UBXN7: variants seen among roughly 807,000 people sequenced by gnomAD.
UBXN7 encodes the protein UBX domain protein 7.
Under a neutral mutation model 58.0 loss-of-function variants are expected in UBXN7, and 9 were observed. The observed-to-expected ratio is 0.16, with a 90% CI of 0.09 to 0.27. UBXN7 has a LOEUF of 0.27. UBXN7 is among the 10% of genes least tolerant of loss of function. UBXN7 has a pLI of 1.00. For synonymous variants in UBXN7, 208 were observed against 205.0 expected (o/e 1.01, Z -0.12); for missense variants, 328 against 599.6 (o/e 0.55, Z 4.73).
At chr3:196,385,866 A>G (rs13073879) in intron 5 of UBXN7, among the ~76,000 whole-genome samples, 79,848 of 151,750 alleles carry the variant, frequency 0.53, 21,414 homozygotes, top group East Asian at 0.9. Flanking sequence ...CCGCCACCCC[A>G]TCTGGGAGGT....
chr3:196,373,458 T>C (rs1728900655), intron 5 of UBXN7, among the ~76,000 whole-genome samples: 1 of 152,200 alleles, frequency 6.6e-6, no homozygotes, highest in African/African-American at 2.4e-5. Context: ...AATCTTTGCC[T>C]AGGAAAGAAC....
Position 196,391,831 on chromosome 3 carries a change from A to G in UBXN7, c.450T>C (p.His150=), listed in dbSNP as rs73213957. The G allele has an allele frequency of 8.0e-3, 12,885 of 1,611,842 alleles. 81 individuals are homozygous for G. The highest frequency in any genetic ancestry group is 0.017 in the Middle Eastern group (104 of 6,052). ...AACTTACTGTTTCAAAGCTGCCTTT[A>G]TGCATCAAATCAATGGGTGGCCGGA... The part of the protein sequence containing the change: ...DLFRPPIDLM[H]KGSFETAKEC... Residue 150 remains histidine (H), a synonymous_variant, in exon 5 of 11, where the codon CAT becomes CAC. Coordinates refer to ENST00000296328, the MANE Select transcript of UBXN7 (RefSeq NM_015562.2).
intron 1 of UBXN7, among the ~76,000 whole-genome samples, chr3:196,409,940 C>CTT (rs71621242): frequency 6.5e-5 from 9 of 138,164 alleles, no homozygotes; most frequent in African/African-American, 1.6e-4. Flanking sequence ...TTAAAAGAAA[C>CTT]TTTTTTTTTT....
rs576727230 is a variant in UBXN7, at chr3:196,356,052, A to C, written c.*633T>G. ...TGCCAATAACACATGTCATGGAAAT[A>C]GTCCTTATAGCTGGGAACATGAAAA... On this transcript the variant is annotated 3_prime_UTR_variant, in exon 11 of 11. Transcript: ENST00000296328. 6.5e-6 allele frequency: 1 copy of C among 152,786 alleles called. No homozygotes were observed. Among genetic ancestry groups the C allele is most frequent in the African/African-American group, 2.4e-5 (1 of 41,576 alleles). The allele number at this position is 152,786 out of a possible 1,614,324, so 9.5% of individuals were successfully genotyped here.
At chr3:196,414,053 GATC>G (rs1037201230) in intron 1 of UBXN7, among the ~76,000 whole-genome samples, 10 of 152,026 alleles carry the variant, frequency 6.6e-5, no homozygotes, top group African/African-American at 2.4e-4. Flanking sequence ...GCAGTGGTAC[GATC>G]TCCGCTCACT....
At chr3:196,380,100 A>T (rs1336583609) in intron 5 of UBXN7, among the ~76,000 whole-genome samples, 4 of 152,032 alleles carry the variant, frequency 2.6e-5, no homozygotes, top group African/African-American at 9.7e-5. Flanking sequence ...AATACAAAAA[A>T]TCAGCTGAGC....
At position 196,417,088 on chromosome 3, in the gene UBXN7, C is replaced by T. The variant is rs368533670; in HGVS notation, c.74-9695G>A. On this transcript the variant is annotated intron_variant, in intron 1 of 10. Coordinates refer to ENST00000296328, the MANE Select transcript of UBXN7 (RefSeq NM_015562.2). The stretch of plus-strand genomic sequence containing the variant: ...CAGAACTTTGGGGGGCCGAGGCGGG[C>T]GGATCACAAGGTCAGGAGATCGAGA... Among the ~76,000 whole-genome samples the T allele has an allele frequency of 7.8e-4, 119 of 152,226 alleles. No homozygotes were observed. In the East Asian group the frequency reaches 8.7e-3, roughly 11 times the overall value.
chr3:196,392,897 T>C (rs1269798568), intron 4 of UBXN7, among the ~76,000 whole-genome samples: 1 of 152,218 alleles, frequency 6.6e-6, no homozygotes, highest in Admixed American at 6.5e-5. Context: ...ATTCCCTAGA[T>C]GACTTGAGTC....
Position 196,377,000 on chromosome 3 carries a change from C to T in UBXN7, c.469-4958G>A, listed in dbSNP as rs563453516. Among the ~76,000 whole-genome samples the T allele has an allele frequency of 5.7e-4, 85 of 149,264 alleles. 1 individual carries two copies. Among genetic ancestry groups the T allele is most frequent in the Non-Finnish European group, 1.0e-3 (69 of 67,668 alleles). Reference sequence around the variant, plus strand: ...AGTTGGGGCTGCAGTGAGCCGAGATCGTGCCACTGCACTCCAGCCTGGGTG... The same window carrying T: ...AGTTGGGGCTGCAGTGAGCCGAGATTGTGCCACTGCACTCCAGCCTGGGTG... On this transcript the variant is annotated intron_variant, in intron 5 of 10. Transcript: ENST00000296328.
chr3:196,378,696 G>C (rs977067875), intron 5 of UBXN7, among the ~76,000 whole-genome samples: 1 of 152,214 alleles, frequency 6.6e-6, no homozygotes, highest in Non-Finnish European at 1.5e-5. Flanking sequence ...GCACTGGTGG[G>C]AGTGGAGCAG....
chr3:196,411,723 A>G (rs1016444335), intron 1 of UBXN7, among the ~76,000 whole-genome samples: 7 of 152,226 alleles, frequency 4.6e-5, no homozygotes, highest in Middle Eastern at 3.4e-3. Context: ...AGACAGGAGA[A>G]TCGCTTAACC....
At position 196,356,741 on chromosome 3, in the gene UBXN7, A is replaced by G. The variant is rs138870917; in HGVS notation, c.1414T>C (p.Leu472=). The change falls in exon 11 of 11, where the codon TTG becomes CTG. Residue 472 remains leucine, a synonymous_variant. Transcript: ENST00000296328. Reference sequence around the variant, plus strand: ...TGAGGACAAAGGCCTGCCTCTTGCAATGTAATATCATAGTCCAGATGAGAT... The same window carrying G: ...TGAGGACAAAGGCCTGCCTCTTGCAGTGTAATATCATAGTCCAGATGAGAT... ...KLSHLDYDIT[L]QEAGLCPQET... is the part of the protein sequence containing the mutation. 3.1e-6 allele frequency: 5 copies of G among 1,612,646 alleles called. No homozygotes were observed. The African/African-American group carries it at 6.7e-5, about 22-fold the overall frequency.
chr3:196,370,846 C>T (rs1472175677), intron 6 of UBXN7, among the ~76,000 whole-genome samples: 1 of 139,462 alleles, frequency 7.2e-6, no homozygotes, highest in African/African-American at 2.7e-5. Context: ...TATGGCAGGA[C>T]CCCATCTCTA....
At chr3:196,370,606 T>C (rs1728797130) in intron 6 of UBXN7, among the ~76,000 whole-genome samples, 1 of 151,924 alleles carries the variant, frequency 6.6e-6, no homozygotes, top group Non-Finnish European at 1.5e-5. Context: ...TTACATTAAA[T>C]TTAGGGGCCT....
At chr3:196,403,101 T>C in intron 2 of UBXN7, 82 bp from the exon 3 acceptor site, 2 of 1,336,866 alleles carry the variant, frequency 1.5e-6, no homozygotes, top group Non-Finnish European at 1.0e-6. Flanking sequence ...GTGAATATAT[T>C]CAAATTAACG....
intron 2 of UBXN7, among the ~76,000 whole-genome samples, chr3:196,406,090 TG>T (rs1361012652): frequency 6.6e-6 from 1 of 152,020 alleles, no homozygotes; most frequent in Non-Finnish European, 1.5e-5. Flanking sequence ...TGGAGTGCAG[TG>T]GCACAATCAT....
intron 10 of UBXN7, among the ~76,000 whole-genome samples, chr3:196,361,360 T>C (rs1185412604): frequency 1.3e-5 from 2 of 152,220 alleles, no homozygotes; most frequent in East Asian, 1.9e-4. Context: ...TTTAACACTG[T>C]TGAAATGACA....
chr3:196,371,763 G>C, intron 6 of UBXN7, 133 bp downstream of exon 6: 2 of 1,138,966 alleles, frequency 1.8e-6, no homozygotes, highest in Non-Finnish European at 2.4e-6. Flanking sequence ...GATTATAGGC[G>C]TGAGCTACTG....
chr3:196,418,701 G>A (rs891895818), intron 1 of UBXN7, among the ~76,000 whole-genome samples: 1 of 152,164 alleles, frequency 6.6e-6, no homozygotes, highest in African/African-American at 2.4e-5. Flanking sequence ...ATGTATTCTA[G>A]AATTTCTAAA....
Sources: gnomAD v4.1 joint callset for allele counts (sites outside exome capture counted in the v4.1 genomes callset) on GRCh38, gnomAD v4.1.1 for gene constraint, MANE v1.5 for transcripts, NCBI Gene and HGNC (gene_info 2026-07-23, HGNC 2026-07-21) for gene names.